The following MROH7 variants were observed in gnomAD, a reference collection of about 807,000 sequenced individuals.
MROH7 encodes maestro heat like repeat family member 7.
In MROH7, 113 loss-of-function variants were observed where a neutral mutation model predicts 129.2. That is an observed-to-expected ratio of 0.87 (90% CI 0.75 to 1.02). The LOEUF (loss-of-function observed/expected upper bound fraction) is 1.02, where lower values mean the gene tolerates loss of function less well. MROH7 is among the 50% of genes least tolerant of loss of function. The probability of loss-of-function intolerance (pLI) is 0.00; values close to 1 mark genes in which losing one functional copy is unlikely to be tolerated. For missense variants in MROH7, 1,601 were observed against 1,671.3 expected, an observed-to-expected ratio of 0.96 and a Z score of 0.73; for synonymous variants, 655 against 667.9, an observed-to-expected ratio of 0.98 and a Z score of 0.30.
chr1:54,677,218 G>A (rs912255569), intron 10 of MROH7, among the ~76,000 whole-genome samples: 3 of 152,240 alleles, frequency 2.0e-5, no homozygotes, highest in African/African-American at 4.8e-5. Context: ...GGCCAACAAG[G>A]TGACACCCTG....
chr1:54,647,750 A>AAT (rs1161760029), intron 1 of MROH7, among the ~76,000 whole-genome samples: 4 of 150,434 alleles, frequency 2.7e-5, no homozygotes, highest in Non-Finnish European at 5.9e-5. Flanking sequence ...TGAAAAAAAA[A>AAT]AAAAATTAGC....
rs562097437 is a variant in MROH7, at chr1:54,641,814, G to C, written c.-264G>C. 1 of 148,078 alleles carries C rather than the reference G, an allele frequency of 6.8e-6. No homozygotes were observed. Among genetic ancestry groups the C allele is most frequent in the African/African-American group, 2.5e-5 (1 of 40,640 alleles). 9.2% of individuals were successfully genotyped at this position (148,078 alleles called of 1,614,324 possible). On this transcript the variant is annotated 5_prime_UTR_variant, in exon 1 of 24. Transcript: ENST00000421030. ...GGGCAGCTCTGGGAAAGTCCTAGGG[G>C]TGGGGGCAGTCTCCACAGCCTCCCA...
intron 20 of MROH7, 109 bp from the exon 21 acceptor site, chr1:54,702,514 C>A: frequency 1.8e-6 from 2 of 1,100,254 alleles, no homozygotes; most frequent in South Asian, 5.3e-5. Flanking sequence ...TAAAAATGGT[C>A]AGCTTCACTT....
At chr1:54,644,183 A>T (rs1219086838) in intron 1 of MROH7, among the ~76,000 whole-genome samples, 1 of 142,920 alleles carries the variant, frequency 7.0e-6, no homozygotes, top group South Asian at 2.2e-4. Flanking sequence ...CTCTGATGAT[A>T]TAAACATTAT....
chr1:54,700,373 G>A lies in MROH7; in HGVS notation c.3017G>A (p.Arg1006Gln), dbSNP rs745384704. The A allele has an allele frequency of 1.1e-5, 17 of 1,614,094 alleles. No homozygotes were observed. Among genetic ancestry groups the A allele is most frequent in the South Asian group, 9.9e-5 (9 of 91,062 alleles). Residue 1006 changes from arginine (R) to glutamine (Q), a missense_variant, in exon 18 of 24, where the codon CGG becomes CAG. Arg to Gln is a conservative substitution (Grantham distance 43). Transcript: ENST00000421030. ...RRIPEEYSLGRMAEGLSHHDP... is the reference protein window; with the variant it reads ...RRIPEEYSLGQMAEGLSHHDP... ...ATCCCCGAGGAATACTCTCTGGGGCGGATGGCAGAAGGCCTGAGCCACCAC... is the reference window on the plus strand; with the variant it reads ...ATCCCCGAGGAATACTCTCTGGGGCAGATGGCAGAAGGCCTGAGCCACCAC...
At chr1:54,704,827 TTCACTC>T (rs1235983796) in intron 21 of MROH7, among the ~76,000 whole-genome samples, 1 of 116,608 alleles carries the variant, frequency 8.6e-6, no homozygotes. Flanking sequence ...GAGATGGAGT[TTCACTC>T]TTGTTCCCCA....
intron 10 of MROH7, among the ~76,000 whole-genome samples, chr1:54,675,067 C>T (rs967360186): frequency 6.6e-6 from 1 of 152,082 alleles, no homozygotes; most frequent in Non-Finnish European, 1.5e-5. Context: ...TCTCTGCCAC[C>T]TGGGTTCAAA....
chr1:54,701,409 C>A, intron 19 of MROH7, 87 bp downstream of exon 19: 1 of 1,221,830 alleles, frequency 8.2e-7, no homozygotes, highest in Non-Finnish European at 1.1e-6. Context: ...CCTGTGCCCC[C>A]ATCAGGACCT....
At chr1:54,648,086 G>A (rs188730640) in intron 1 of MROH7, among the ~76,000 whole-genome samples, 28 of 151,874 alleles carry the variant, frequency 1.8e-4, no homozygotes, top group African/African-American at 6.8e-4. Context: ...GTCTTATTAT[G>A]TTGCCCAGGC....
At position 54,703,375 on chromosome 1, in the gene MROH7, G is replaced by T. The variant is rs1178719617; in HGVS notation, c.3564+630G>T. Among the ~76,000 whole-genome samples, 2 of 152,130 alleles carry T rather than the reference G, an allele frequency of 1.3e-5. No individual in the cohort carries two copies. Among genetic ancestry groups the T allele is most frequent in the Non-Finnish European group, 2.9e-5 (2 of 68,034 alleles). ...ATCAATTCCCAGAGTTGTATTACCTGCAACACCAGTCTCACAAAATATGCC... is the reference window on the plus strand; with the variant it reads ...ATCAATTCCCAGAGTTGTATTACCTTCAACACCAGTCTCACAAAATATGCC... On this transcript the variant is annotated intron_variant, in intron 21 of 23. Transcript: ENST00000421030. This position sits in a 1 kb window ranked among gnomAD's most constrained non-coding sequence, Gnocchi z 4.4.
Position 54,700,355 on chromosome 1 carries a change from A to T in MROH7, c.2999A>T (p.Glu1000Val). 1 of 1,614,102 alleles carries T rather than the reference A, an allele frequency of 6.2e-7. No homozygotes were observed. Among genetic ancestry groups the T allele is most frequent in the Non-Finnish European group, 8.5e-7 (1 of 1,179,994 alleles). ...ATGGAGCAGGTGCGCCGGATCCCCG[A>T]GGAATACTCTCTGGGGCGGATGGCA... ...LQMEQVRRIP[E>V]EYSLGRMAEG... Residue 1000 changes from glutamate to valine, a missense_variant, in exon 18 of 24, where the codon GAG (glutamate) becomes GTG (valine). Physicochemically the swap from Glu to Val is moderately radical, Grantham distance 121. Transcript: ENST00000421030.
intron 14 of MROH7, 149 bp from the exon 15 acceptor site, chr1:54,686,109 T>TG (rs1255494435): frequency 1.6e-6 from 1 of 619,852 alleles, no homozygotes; most frequent in Non-Finnish European, 2.7e-6. Context: ...GGTTTGGGGC[T>TG]GGGGGGTGGG....
chr1:54,686,007 C>G (rs1045900466), intron 14 of MROH7, among the ~76,000 whole-genome samples: 1 of 151,902 alleles, frequency 6.6e-6, no homozygotes, highest in Non-Finnish European at 1.5e-5. Flanking sequence ...ATGATTCTTC[C>G]AAGGTTGCAT....
intron 3 of MROH7, among the ~76,000 whole-genome samples, chr1:54,655,587 C>T (rs1305881836): frequency 1.3e-5 from 2 of 151,402 alleles, no homozygotes; most frequent in African/African-American, 2.4e-5. Flanking sequence ...GCTACGTTGC[C>T]CAGGCTGGTC....
intron 3 of MROH7, among the ~76,000 whole-genome samples, chr1:54,656,895 T>G (rs1480668166): frequency 6.6e-6 from 1 of 151,934 alleles, no homozygotes; most frequent in East Asian, 1.9e-4. Context: ...CATAACAAAA[T>G]TTACCGTCTA....
At chr1:54,663,475 C>T (rs993871988) in intron 3 of MROH7, among the ~76,000 whole-genome samples, 16 of 152,064 alleles carry the variant, frequency 1.1e-4, no homozygotes, top group African/African-American at 3.1e-4. Flanking sequence ...TGGGTTCAAG[C>T]GATTCTCCTG....
At position 54,682,788 on chromosome 1, in the gene MROH7, C is replaced by G. The variant is rs1278390029; in HGVS notation, c.2514C>G (p.Pro838=). 27 of 1,611,306 alleles carry G rather than the reference C, an allele frequency of 1.7e-5. No individual in the cohort carries two copies. The highest frequency in any genetic ancestry group is 2.3e-5 in the Non-Finnish European group (27 of 1,179,646). The change falls in exon 14 of 24, where the codon CCC becomes CCG. Residue 838 remains proline (P), a synonymous_variant. Transcript: ENST00000421030. ...VTKEGRASIV[P]LAAASGLCEL... is the part of the protein sequence containing the mutation. Reference sequence around the variant, plus strand: ...AGGAGGGCCGGGCTTCCATCGTGCCCCTGGCGGTGAGCACCCAGTCAGCCA... The same window carrying G: ...AGGAGGGCCGGGCTTCCATCGTGCCGCTGGCGGTGAGCACCCAGTCAGCCA...
At chr1:54,678,712 G>C (rs371897901) in intron 10 of MROH7, 30 bp from the exon 11 acceptor site, 9 of 1,501,844 alleles carry the variant, frequency 6.0e-6, no homozygotes, top group Admixed American at 5.0e-5. Flanking sequence ...AGGGAGATCC[G>C]GCCTCACTGA....
chr1:54,692,440 G>A lies in MROH7; in HGVS notation c.2728G>A (p.Val910Met). 1 of 1,614,126 alleles carries A rather than the reference G, an allele frequency of 6.2e-7. No homozygotes were observed. Among genetic ancestry groups the A allele is most frequent in the Non-Finnish European group, 8.5e-7 (1 of 1,179,994 alleles). Residue 910 changes from valine to methionine, a missense_variant, in exon 16 of 24, where the codon GTG (valine) becomes ATG (methionine). Physicochemically the swap from Val to Met is conservative, Grantham distance 21 (BLOSUM62 1). Coordinates refer to ENST00000421030, the MANE Select transcript of MROH7 (RefSeq NM_001039464.4). Reference sequence around the variant, plus strand: ...TCTTGGCAGCTGGGTGGTGAAAGTGGTGAAAACCCTGCTACTGAGGATGGG... The same window carrying A: ...TCTTGGCAGCTGGGTGGTGAAAGTGATGAAAACCCTGCTACTGAGGATGGG... ...FVPVRWVVKV[V>M]KTLLLRMGCS...
Sources: gnomAD v4.1 joint callset for allele counts (sites outside exome capture counted in the v4.1 genomes callset) on GRCh38, gnomAD v4.1.1 for gene constraint, Gnocchi (gnomAD v3.1) non-coding constraint, MANE v1.5 for transcripts, NCBI Gene and HGNC (gene_info 2026-07-23, HGNC 2026-07-21) for gene names.